OPRL1: variants seen among roughly 807,000 people sequenced by gnomAD.
The protein encoded by OPRL1 is nociceptin receptor.
A neutral mutation model predicts 15.5 loss-of-function variants in OPRL1; 5 were observed. The ratio of observed to expected loss-of-function variants is 0.32; its 90% CI spans 0.17 to 0.68. The LOEUF (loss-of-function observed/expected upper bound fraction) is 0.68, where lower values mean the gene tolerates loss of function less well. OPRL1 is among the 30% of genes least tolerant of loss of function. The pLI is 0.72. For missense variants in OPRL1, 406 were observed against 515.3 expected, an observed-to-expected ratio of 0.79 and a Z score of 2.05; for synonymous variants, 223 against 230.2, an observed-to-expected ratio of 0.97 and a Z score of 0.28.
intron 3 of OPRL1, among the ~76,000 whole-genome samples, chr20:64,096,796 A>G (rs1055893396): frequency 3.3e-5 from 5 of 151,572 alleles, no homozygotes; most frequent in Non-Finnish European, 7.4e-5. Flanking sequence ...CATCCTCACC[A>G]TCCTCACCAC....
intron 1 of OPRL1, chr20:64,084,461 G>T: frequency 9.6e-7 from 1 of 1,045,100 alleles, no homozygotes; most frequent in Non-Finnish European, 1.2e-6. Context: ...AGTCAACTAG[G>T]ACTTTCTGAT....
At chr20:64,096,412 C>T (rs1269496242) in intron 3 of OPRL1, among the ~76,000 whole-genome samples, 1 of 152,148 alleles carries the variant, frequency 6.6e-6, no homozygotes, top group Non-Finnish European at 1.5e-5. Flanking sequence ...AAAAAAACAA[C>T]ATAGATCCTC....
At chr20:64,088,648 G>C (rs1473290007) in intron 1 of OPRL1, among the ~76,000 whole-genome samples, 1 of 151,018 alleles carries the variant, frequency 6.6e-6, no homozygotes, top group African/African-American at 2.4e-5. Context: ...GCCAGGATCT[G>C]TGCAGGGAGG....
intron 1 of OPRL1, among the ~76,000 whole-genome samples, chr20:64,091,269 G>A (rs189532048): frequency 1.3e-5 from 1 of 79,062 alleles, no homozygotes; most frequent in African/African-American, 5.0e-5. Flanking sequence ...GCTGTGGCAG[G>A]GGTGCCCTGG....
In OPRL1 at chr20:64,098,815, C is replaced by A; in HGVS notation, c.*16C>A. The A allele has an allele frequency of 1.3e-6, 2 of 1,572,848 alleles. No homozygotes were observed. The highest frequency in any genetic ancestry group is 1.7e-6 in the Non-Finnish European group (2 of 1,165,062). Reference sequence around the variant, plus strand: ...GCCCGCATGACTAGGCGTGGACCTGCCCATGGTGCCTGTCAGCCCGCAGAG... The same window carrying A: ...GCCCGCATGACTAGGCGTGGACCTGACCATGGTGCCTGTCAGCCCGCAGAG... On this transcript the variant is annotated 3_prime_UTR_variant, in exon 5 of 5. Transcript: ENST00000336866.
In OPRL1 at chr20:64,084,210, G is replaced by A. The variant is rs2060014590; in HGVS notation, c.-185+3858G>A. 1.4e-6 allele frequency: 2 copies of A among 1,417,950 alleles called. No individual in the cohort carries two copies. Among genetic ancestry groups the A allele is most frequent in the Admixed American group, 3.1e-5 (1 of 32,166 alleles). 87.8% of individuals were successfully genotyped at this position (1,417,950 alleles called of 1,614,324 possible). A position where few individuals can be genotyped will look rare whatever the true frequency, so the allele number is the denominator to read the frequency against. On this transcript the variant is annotated intron_variant, in intron 1 of 4. Coordinates refer to ENST00000336866, the MANE Select transcript of OPRL1 (RefSeq NM_182647.4). ...CCCTTGCGCCCGCCCTCCTTCGCTG[G>A]CGGCGGCATCCTCCCGCCCTGCGGA...
chr20:64,092,740 C>G lies in OPRL1; in HGVS notation c.20C>G (p.Ala7Gly). The G allele has an allele frequency of 1.2e-6, 2 of 1,612,474 alleles. No individual in the cohort carries two copies. Among genetic ancestry groups the G allele is most frequent in the South Asian group, 2.2e-5 (2 of 91,056 alleles). Residue 7 changes from alanine (A) to glycine (G), a missense_variant, in exon 3 of 5, where the codon GCG (alanine) becomes GGG (glycine). Transcript: ENST00000336866. Reference sequence around the variant, plus strand: ...AGTGGCATGGAGCCCCTCTTCCCCGCGCCGTTCTGGGAGGTTATCTACGGC... The same window carrying G: ...AGTGGCATGGAGCCCCTCTTCCCCGGGCCGTTCTGGGAGGTTATCTACGGC... MEPLFP[A>G]PFWEVIYGSH... is the part of the protein sequence containing the mutation.
chr20:64,081,250 AG>A (rs2059964133), intron 1 of OPRL1, among the ~76,000 whole-genome samples: 1 of 152,210 alleles, frequency 6.6e-6, no homozygotes, highest in South Asian at 2.1e-4. Flanking sequence ...AAGGAAAGGC[AG>A]GGGCCAGGAA....
rs1979333091 is a variant in OPRL1, at chr20:64,097,614, CT to C, written c.234-187del. Among the ~76,000 whole-genome samples, 1 of 150,758 alleles carries C rather than the reference CT, an allele frequency of 6.6e-6. No homozygotes were observed. Among genetic ancestry groups the C allele is most frequent in the African/African-American group, 2.4e-5 (1 of 41,272 alleles). ...GACGTTTGACCCCAGGCCCTACCCC[CT>C]GAGACTGACTCATGAGTCTCAGGTT... On this transcript the variant is annotated intron_variant, in intron 3 of 4. Transcript: ENST00000336866. This position sits in a 1 kb window ranked among gnomAD's most constrained non-coding sequence, Gnocchi z 4.2.
chr20:64,095,467 T>C (rs1212282640), intron 3 of OPRL1, among the ~76,000 whole-genome samples: 1 of 151,072 alleles, frequency 6.6e-6, no homozygotes, highest in Non-Finnish European at 1.5e-5. Context: ...GGAGATGACT[T>C]AAGCAGAAAG....
Position 64,098,652 on chromosome 20 carries a change from G to T in OPRL1, c.966G>T (p.Leu322=), listed in dbSNP as rs745943360. 1.9e-6 allele frequency: 3 copies of T among 1,612,944 alleles called. No homozygotes were observed. In the South Asian group the frequency reaches 3.3e-5, roughly 18 times the overall value. ...TCAACCCCATCCTCTACGCCTTCCT[G>T]GATGAGAACTTCAAGGCCTGCTTCC... ...SCLNPILYAF[L]DENFKACFRK... The change falls in exon 5 of 5, where the codon CTG becomes CTT. Residue 322 remains leucine (L), a synonymous_variant. Coordinates refer to ENST00000336866, the MANE Select transcript of OPRL1 (RefSeq NM_182647.4).
In OPRL1 at chr20:64,098,415, T is replaced by G. The variant is rs1322995101; in HGVS notation, c.729T>G (p.Arg243=). The G allele has an allele frequency of 6.2e-7, 1 of 1,613,598 alleles. No individual in the cohort carries two copies. The highest frequency in any genetic ancestry group is 8.5e-7 in the Non-Finnish European group (1 of 1,180,008). ...VCYSLMIRRL[R]GVRLLSGSRE... is the part of the protein sequence containing the mutation. ...ACAGCCTCATGATCCGGCGGCTCCG[T>G]GGAGTCCGCCTGCTCTCGGGCTCCC... The change falls in exon 5 of 5, where the codon CGT becomes CGG. Residue 243 remains arginine (R), a synonymous_variant. Transcript: ENST00000336866.
In OPRL1 at chr20:64,083,780, C is replaced by G. The variant is rs1345054807; in HGVS notation, c.-185+3428C>G. 1 of 1,333,676 alleles carries G rather than the reference C, an allele frequency of 7.5e-7. No homozygotes were observed. 82.6% of individuals were successfully genotyped at this position (1,333,676 alleles called of 1,614,324 possible). ...CCCGGCCGGCTCCGCTCAACGCTCC[C>G]GGTGCGCCCCCTCTGCCCTCCGACC... On this transcript the variant is annotated intron_variant, in intron 1 of 4. Coordinates refer to ENST00000336866, the MANE Select transcript of OPRL1 (RefSeq NM_182647.4). This position sits in a 1 kb window ranked among gnomAD's most constrained non-coding sequence, Gnocchi z 4.9.
chr20:64,097,591 C>T lies in OPRL1; in HGVS notation c.234-211C>T, dbSNP rs547824384. Among the ~76,000 whole-genome samples, 16 of 152,268 alleles carry T rather than the reference C, an allele frequency of 1.1e-4. No homozygotes were observed. Among genetic ancestry groups the T allele is most frequent in the South Asian group, 8.3e-4 (4 of 4,824 alleles). ...GAGTCACTTGAGGAGCTGGTTAAGA[C>T]GTTTGACCCCAGGCCCTACCCCCTG... On this transcript the variant is annotated intron_variant, in intron 3 of 4. Transcript: ENST00000336866. The surrounding 1 kb of genome is among the most constrained non-coding windows in gnomAD (Gnocchi z 4.2).
intron 1 of OPRL1, among the ~76,000 whole-genome samples, chr20:64,087,145 C>G (rs1017013561): frequency 4.7e-5 from 7 of 150,260 alleles, no homozygotes; most frequent in Non-Finnish European, 1.0e-4. Flanking sequence ...GTGTCTTGGG[C>G]TATCCCTAGT....
intron 1 of OPRL1, among the ~76,000 whole-genome samples, chr20:64,088,104 T>C (rs1421037061): frequency 1.3e-5 from 2 of 152,238 alleles, no homozygotes; most frequent in South Asian, 4.1e-4. Context: ...AGAGGATATC[T>C]GCTGAGACCA....
At chr20:64,087,018 G>A (rs2060060174) in intron 1 of OPRL1, among the ~76,000 whole-genome samples, 1 of 152,224 alleles carries the variant, frequency 6.6e-6, no homozygotes, top group Non-Finnish European at 1.5e-5. Context: ...CTGAGTGGGT[G>A]TGAATCTCAC....
chr20:64,083,596 A>AG lies in OPRL1; in HGVS notation c.-185+3249dup. ...GCTTGTCTGCACCTCTTGGCGGTCC[A>AG]GGGGGTCCGGGATCCGCGCGGGCTT... On this transcript the variant is annotated intron_variant, in intron 1 of 4. Transcript: ENST00000336866. This position sits in a 1 kb window ranked among gnomAD's most constrained non-coding sequence, Gnocchi z 4.9. 6.7e-7 allele frequency: 1 copy of AG among 1,492,164 alleles called. No homozygotes were observed. The highest frequency in any genetic ancestry group is 8.9e-7 in the Non-Finnish European group (1 of 1,121,160). 92.4% of individuals were successfully genotyped at this position (1,492,164 alleles called of 1,614,324 possible).
rs1156750294 is a variant in OPRL1, at chr20:64,083,774, C to A, written c.-185+3422C>A. 1 of 1,323,502 alleles carries A rather than the reference C, an allele frequency of 7.6e-7. No individual in the cohort carries two copies. 82.0% of individuals were successfully genotyped at this position (1,323,502 alleles called of 1,614,324 possible). On this transcript the variant is annotated intron_variant, in intron 1 of 4. Transcript: ENST00000336866. The surrounding 1 kb of genome is among the most constrained non-coding windows in gnomAD (Gnocchi z 4.9). ...CCCCGCCCCGGCCGGCTCCGCTCAACGCTCCCGGTGCGCCCCCTCTGCCCT... is the reference window on the plus strand; with the variant it reads ...CCCCGCCCCGGCCGGCTCCGCTCAAAGCTCCCGGTGCGCCCCCTCTGCCCT...
Sources: allele counts gnomAD v4.1 joint callset (sites outside exome capture counted in the v4.1 genomes callset), GRCh38; gene constraint gnomAD v4.1.1; non-coding constraint Gnocchi (gnomAD v3.1); transcripts MANE v1.5; gene names NCBI Gene and HGNC (gene_info 2026-07-23, HGNC 2026-07-21).